Variants in RASEF observed in about 807,000 individuals in gnomAD.
The protein encoded by RASEF is RAS and EF-hand domain containing.
Under a neutral mutation model 90.1 loss-of-function variants are expected in RASEF, and 68 were observed. The observed-to-expected ratio is 0.75, with a 90% CI of 0.62 to 0.92. The LOEUF (loss-of-function observed/expected upper bound fraction) is 0.92. Among genes scored for constraint, RASEF ranks in the 40% least tolerant of loss-of-function variants. The pLI is 0.00. For missense variants in RASEF, 949 were observed against 937.2 expected (o/e 1.01, Z -0.16); for synonymous variants, 331 against 345.2 (o/e 0.96, Z 0.46).
the RASEF span, among the ~76,000 whole-genome samples, chr9:83,102,634 C>T: frequency 6.6e-6 from 1 of 152,196 alleles, no homozygotes; most frequent in East Asian, 1.9e-4. Context: ...ACAGAGGGAA[C>T]GAGGGAAAAA....
At chr9:83,064,340 C>T (rs1218679731), upstream of RASEF, among the ~76,000 whole-genome samples, 1 of 152,138 alleles carries the variant, frequency 6.6e-6, no homozygotes, top group Admixed American at 6.5e-5. Flanking sequence ...GTCTTAGCAA[C>T]CTAATTGCTA....
chr9:83,177,792 T>A, the RASEF span, among the ~76,000 whole-genome samples: 1 of 152,250 alleles, frequency 6.6e-6, no homozygotes, highest in East Asian at 1.9e-4. Flanking sequence ...CATTTTCTCA[T>A]GAAATTTGGG....
intron 1 of RASEF, among the ~76,000 whole-genome samples, chr9:83,042,598 A>C (rs1303260970): frequency 6.6e-6 from 1 of 152,220 alleles, no homozygotes; most frequent in Non-Finnish European, 1.5e-5. Context: ...AAAATTGAAA[A>C]AGGAGTTAAT....
the RASEF span, among the ~76,000 whole-genome samples, chr9:83,155,428 A>T: frequency 1.1e-4 from 17 of 152,174 alleles, no homozygotes; most frequent in African/African-American, 4.1e-4. Context: ...GGCAGCAGAC[A>T]AGAGAGAATG....
chr9:83,153,257 C>T, the RASEF span, among the ~76,000 whole-genome samples: 1 of 152,114 alleles, frequency 6.6e-6, no homozygotes, highest in East Asian at 1.9e-4. Flanking sequence ...CTTGTTCTCA[C>T]TCTCAGTTTC....
At chr9:82,997,227 GA>G (rs1828938151) in intron 13 of RASEF, 101 bp from the exon 14 acceptor site, 1 of 739,780 alleles carries the variant, frequency 1.4e-6, no homozygotes, top group Non-Finnish European at 2.4e-6. Flanking sequence ...AACACCAGTT[GA>G]GAAGACTCTA....
At chr9:83,008,402 T>C (rs1376113938) in intron 6 of RASEF, among the ~76,000 whole-genome samples, 1 of 152,210 alleles carries the variant, frequency 6.6e-6, no homozygotes, top group Non-Finnish European at 1.5e-5. Flanking sequence ...TGTCTCTTTC[T>C]GCCCTGTGGT....
upstream of RASEF, among the ~76,000 whole-genome samples, chr9:83,065,916 T>C (rs558237850): frequency 8.3e-4 from 127 of 152,300 alleles, no homozygotes; most frequent in African/African-American, 2.9e-3. Context: ...CGGAATATCC[T>C]GTAATGCACA....
At chr9:83,134,059 G>A in the RASEF span, among the ~76,000 whole-genome samples, 95 of 152,130 alleles carry the variant, frequency 6.2e-4, no homozygotes, top group African/African-American at 2.0e-3. Context: ...ATAGGTATGG[G>A]TATACACATA....
At chr9:82,991,252 A>G (rs1828808875) in intron 15 of RASEF, among the ~76,000 whole-genome samples, 2 of 152,076 alleles carry the variant, frequency 1.3e-5, no homozygotes, top group African/African-American at 4.8e-5. Flanking sequence ...CCAGTCTGAC[A>G]CCTACCTACT....
intron 1 of RASEF, among the ~76,000 whole-genome samples, chr9:83,027,735 CAGGA>C (rs1353912659): frequency 6.6e-6 from 1 of 152,144 alleles, no homozygotes; most frequent in South Asian, 2.1e-4. Flanking sequence ...GATTCACCGA[CAGGA>C]ATGTAGCATG....
chr9:83,040,296 A>G (rs552668272), intron 1 of RASEF, among the ~76,000 whole-genome samples: 6 of 152,300 alleles, frequency 3.9e-5, no homozygotes, highest in African/African-American at 9.6e-5. Context: ...GGCTAAACCA[A>G]TGTATCAAAT....
the RASEF span, among the ~76,000 whole-genome samples, chr9:83,096,037 C>T: frequency 6.6e-6 from 1 of 152,252 alleles, no homozygotes; most frequent in Middle Eastern, 3.4e-3. Flanking sequence ...GTAAAAAGGA[C>T]TTAATAGAGG....
At chr9:83,207,105 G>A in the RASEF span, among the ~76,000 whole-genome samples, 1 of 152,068 alleles carries the variant, frequency 6.6e-6, no homozygotes, top group Non-Finnish European at 1.5e-5. Context: ...GCAGAAATAT[G>A]TCTCCAGTAC....
At chr9:83,010,486 G>T (rs1017272561) in intron 5 of RASEF, among the ~76,000 whole-genome samples, 1 of 152,154 alleles carries the variant, frequency 6.6e-6, no homozygotes. Flanking sequence ...TAGAGGAAGT[G>T]TGTTTAAGGT....
At chr9:82,992,183 A>C (rs965456461) in intron 15 of RASEF, among the ~76,000 whole-genome samples, 1 of 152,238 alleles carries the variant, frequency 6.6e-6, no homozygotes. Flanking sequence ...CTGACGACAG[A>C]CAACACTATC....
At chr9:83,058,077 G>T (rs79074327) in intron 1 of RASEF, among the ~76,000 whole-genome samples, 2,080 of 148,544 alleles carry the variant, frequency 0.014, 40 homozygotes, top group African/African-American at 0.049. Context: ...CTCCATCTGA[G>T]CTCTGTGTTT....
chr9:83,184,297 C>T, the RASEF span, among the ~76,000 whole-genome samples: 1 of 152,142 alleles, frequency 6.6e-6, no homozygotes, highest in Non-Finnish European at 1.5e-5. Context: ...AAGGAGACAC[C>T]GGGGGCAAAG....
At position 83,000,434 on chromosome 9, in the gene RASEF, T is replaced by G. The variant is rs1829008722; in HGVS notation, c.1574A>C (p.Gln525Pro). 2 of 1,613,640 alleles carry G rather than the reference T, an allele frequency of 1.2e-6. No individual in the cohort carries two copies. The highest frequency in any genetic ancestry group is 1.3e-5 in the African/African-American group (1 of 74,880). ...AGGAGTGTCTCGGAGACCACCTACC[T>G]GGGGCGAGAGTGCTGAGATGGGCTT... is the stretch of plus-strand genomic sequence containing the variant. ...SRKPISALSP[Q>P]TDLVDDNAKS... Residue 525 changes from glutamine (Q) to proline (P), a missense_variant and splice_region_variant, in exon 11 of 17, where the codon CAG (glutamine) becomes CCG (proline). Transcript: ENST00000376447.
Sources: gnomAD v4.1 joint callset for allele counts (sites outside exome capture counted in the v4.1 genomes callset) on GRCh38, gnomAD v4.1.1 for gene constraint, MANE v1.5 for transcripts, NCBI Gene and HGNC (gene_info 2026-07-23, HGNC 2026-07-21) for gene names.